GAS5: variants seen among roughly 807,000 people sequenced by gnomAD.
The protein encoded by GAS5 is growth arrest specific 5 (non-protein coding).
chr1:173,864,241 C>G (rs770928391), intron 7 of GAS5: 1 of 515,412 alleles, frequency 1.9e-6, no homozygotes, highest in Non-Finnish European at 3.9e-6. Flanking sequence ...ATAGTCCCAA[C>G]ATTTCCAATC....
chr1:173,867,246 C>T, upstream of GAS5: 1 of 517,026 alleles, frequency 1.9e-6, no homozygotes, highest in Non-Finnish European at 3.4e-6. Context: ...CGGCCGGGCG[C>T]GGTGGCTCAC....
At chr1:173,866,779 C>A in exon 2 of GAS5, 1 of 755,806 alleles carries the variant, frequency 1.3e-6, no homozygotes, top group Non-Finnish European at 2.4e-6. Context: ...CTATTCTCAT[C>A]CTTCCTTGGG....
upstream of GAS5, chr1:173,867,301 C>A: frequency 2.2e-6 from 1 of 461,148 alleles, no homozygotes. Context: ...TGGTGGATCA[C>A]CTGAGGTCAG....
chr1:173,866,591 AACTTAGGTGT>A (rs1192193174), intron 2 of GAS5: 7 of 762,642 alleles, frequency 9.2e-6, no homozygotes, highest in Non-Finnish European at 1.7e-5. Flanking sequence ...ACTTCATGTG[AACTTAGGTGT>A]ACTCTCTATG....
In GAS5 at chr1:173,866,992, T is replaced by C; in HGVS notation, n.54A>G. ...CACCATACTTTCCCCAATTCTTACC[T>C]GTCCATAAGGTGCTATCCAGAGCCA... On this transcript the variant is annotated splice_region_variant and non_coding_transcript_exon_variant, in exon 1 of 8. Coordinates refer to ENST00000651080, the Ensembl canonical transcript of GAS5. The C allele has an allele frequency of 5.2e-6, 4 of 765,464 alleles. No individual in the cohort carries two copies. In the South Asian group the frequency reaches 5.4e-5, roughly 10 times the overall value. The allele number at this position is 765,464 out of a possible 1,614,324, so 47.4% of individuals were successfully genotyped here.
chr1:173,866,821 A>G, intron 1 of GAS5: 1 of 765,364 alleles, frequency 1.3e-6, no homozygotes, highest in Non-Finnish European at 2.4e-6. Context: ...GATGCAAGCA[A>G]AACAGTGAGA....
upstream of GAS5, chr1:173,867,083 G>C (rs566162011): frequency 4.4e-5 from 29 of 654,890 alleles, no homozygotes; most frequent in African/African-American, 2.9e-4. Context: ...ATTGTTCCAC[G>C]GTTCTTTTTT....
rs189896715 is a variant in GAS5, at chr1:173,864,313, G to A, written n.277-9C>T. 23 of 514,516 alleles carry A rather than the reference G, an allele frequency of 4.5e-5. No individual in the cohort carries two copies. The East Asian group carries it at 4.9e-4, about 11-fold the overall frequency. 31.9% of individuals were successfully genotyped at this position (514,516 alleles called of 1,614,324 possible). ...TGTGGTCATTAAAAACCCTGAAAGC[G>A]AAGCCAACATATTAATCAGGGCAAA... On this transcript the variant is annotated splice_polypyrimidine_tract_variant and intron_variant and non_coding_transcript_variant, in intron 6 of 7. Transcript: ENST00000651080.
intron 6 of GAS5, chr1:173,864,433 T>C: frequency 1.9e-6 from 1 of 518,958 alleles, no homozygotes; most frequent in South Asian, 1.4e-5. Context: ...GCAGAATCAT[T>C]ACATCATTGG....
At chr1:173,866,776 C>T in exon 2 of GAS5, 1 of 765,226 alleles carries the variant, frequency 1.3e-6, no homozygotes. Context: ...TAGCTATTCT[C>T]ATCCTTCCTT....
intron 5 of GAS5, chr1:173,865,628 A>G (rs1654467803): frequency 1.9e-6 from 1 of 519,250 alleles, no homozygotes; most frequent in South Asian, 1.4e-5. Flanking sequence ...AGGGTTCTTC[A>G]GTGTTACCTT....
At chr1:173,867,585 C>A, upstream of GAS5, 1 of 512,000 alleles carries the variant, frequency 2.0e-6, no homozygotes, top group Admixed American at 2.0e-5. Flanking sequence ...ACGTGGACTA[C>A]CACCGACAGC....
chr1:173,868,394 C>T (rs1429469645), upstream of GAS5: 4 of 153,132 alleles, frequency 2.6e-5, no homozygotes, highest in African/African-American at 4.8e-5. Flanking sequence ...CGGCCCATTT[C>T]CACCCCCGGA....
chr1:173,864,194 A>C, intron 7 of GAS5: 1 of 518,588 alleles, frequency 1.9e-6, no homozygotes, highest in Non-Finnish European at 3.9e-6. Context: ...GAGAGAGTTC[A>C]AGTTGGATTG....
intron 6 of GAS5, chr1:173,864,426 GA>G (rs747862300): frequency 1.9e-5 from 10 of 518,974 alleles, no homozygotes; most frequent in South Asian, 1.3e-4. Flanking sequence ...TCATTTGGCA[GA>G]ATCATTACAT....
exon 3 of GAS5, chr1:173,866,553 C>T (rs1654691037): frequency 2.7e-6 from 2 of 744,794 alleles, no homozygotes; most frequent in Non-Finnish European, 4.9e-6. Flanking sequence ...TTGAGTTAGG[C>T]TTGCTCTTTA....
intron 5 of GAS5, chr1:173,865,675 ACAT>A (rs756449931): frequency 2.5e-5 from 13 of 519,122 alleles, no homozygotes; most frequent in African/African-American, 2.1e-4. Context: ...CATTTGATCA[ACAT>A]CATTACACAA....
rs1557874041 is a variant in GAS5 at position 173,866,876 on chromosome 1, T to TA, written n.56-81dup. 1.0e-5 allele frequency: 8 copies of TA among 765,462 alleles called. No individual in the cohort carries two copies. In the South Asian group the frequency reaches 1.1e-4, roughly 10 times the overall value. The allele number at this position is 765,462 out of a possible 1,614,324, so 47.4% of individuals were successfully genotyped here. A position where few individuals can be genotyped will look rare whatever the true frequency, so the allele number is the denominator to read the frequency against. ...CGTTAAATATAAATGCTGTTAACAT[T>TA]AAAGCCTCAGAATAGAATTTCAGAA... On this transcript the variant is annotated intron_variant and non_coding_transcript_variant, in intron 1 of 7. Transcript: ENST00000651080.
chr1:173,866,847 G>GTTTATAT (rs1237526942), intron 1 of GAS5: 8 of 765,384 alleles, frequency 1.0e-5, no homozygotes, highest in Non-Finnish European at 1.4e-5. Flanking sequence ...CCTCACAGCA[G>GTTTATAT]TCACGTTAAA....
Sources: gnomAD v4.1 joint callset for allele counts on GRCh38, gnomAD v4.1.1 for gene constraint, MANE v1.5 for transcripts, NCBI Gene and HGNC (gene_info 2026-07-23, HGNC 2026-07-21) for gene names.